Variants in FBXL7 observed in about 807,000 individuals in gnomAD.
FBXL7 encodes F-box and leucine rich repeat protein 7.
A neutral mutation model predicts 38.3 loss-of-function variants in FBXL7; 12 were observed. The observed-to-expected ratio is 0.31, with a 90% CI of 0.20 to 0.51. FBXL7 has a LOEUF of 0.51. Among genes scored for constraint, FBXL7 ranks in the 20% least tolerant of loss-of-function variants. The pLI, the probability that FBXL7 is intolerant of heterozygous loss-of-function variation, is 0.98. For synonymous variants in FBXL7, 297 were observed against 300.9 expected (o/e 0.99, Z 0.13); for missense variants, 567 against 676.4 (o/e 0.84, Z 1.79).
chr5:15,715,814 C>T (rs1225814919), intron 2 of FBXL7, among the ~76,000 whole-genome samples: 1 of 152,124 alleles, frequency 6.6e-6, no homozygotes, highest in African/African-American at 2.4e-5. Context: ...TGCTACTTGC[C>T]CACCGAACTA....
chr5:15,632,830 A>G (rs556777805), intron 2 of FBXL7, among the ~76,000 whole-genome samples: 11 of 150,362 alleles, frequency 7.3e-5, no homozygotes, highest in South Asian at 6.2e-4. Context: ...TCACGGACAT[A>G]AAGATGGGAA....
At chr5:15,886,552 C>A (rs1561173717) in intron 2 of FBXL7, among the ~76,000 whole-genome samples, 1 of 152,100 alleles carries the variant, frequency 6.6e-6, no homozygotes, top group South Asian at 2.1e-4. Context: ...CCCAAAGTTA[C>A]CCCCAGATAA....
intron 2 of FBXL7, among the ~76,000 whole-genome samples, chr5:15,846,057 T>G (rs1026579251): frequency 6.6e-6 from 1 of 152,262 alleles, no homozygotes; most frequent in African/African-American, 2.4e-5. Flanking sequence ...ATATCCACTA[T>G]GGTGTGTGGA....
rs559798024 is a variant in FBXL7, at chr5:15,571,743, A to G, written c.38-44240A>G. ...GTGCTTGGAGGCTTTTGGGTGAGGT[A>G]TTGTCAGTCACTGGTGGACATGTGC... On this transcript the variant is annotated intron_variant, in intron 1 of 3. Transcript: ENST00000504595. Among the ~76,000 whole-genome samples, 15 of 152,082 alleles carry G rather than the reference A, an allele frequency of 9.9e-5. No homozygotes were observed. The South Asian group carries it at 3.1e-3, about 32-fold the overall frequency.
At chr5:15,686,243 A>G (rs1340486288) in intron 2 of FBXL7, among the ~76,000 whole-genome samples, 2 of 152,196 alleles carry the variant, frequency 1.3e-5, no homozygotes, top group Non-Finnish European at 2.9e-5. Flanking sequence ...CTTGTTTTGT[A>G]AATGGGATCG....
chr5:15,900,816 G>T (rs1741216150), intron 2 of FBXL7, among the ~76,000 whole-genome samples: 1 of 152,302 alleles, frequency 6.6e-6, no homozygotes, highest in South Asian at 2.1e-4. Context: ...AAGAGCATGT[G>T]CCCCTTGGCC....
intron 2 of FBXL7, among the ~76,000 whole-genome samples, chr5:15,889,988 G>T (rs1042273234): frequency 2.6e-5 from 4 of 152,138 alleles, no homozygotes; most frequent in Admixed American, 2.0e-4. Flanking sequence ...GGAGATTTCT[G>T]ATAGTCCTGA....
chr5:15,666,224 T>C lies in FBXL7; in HGVS notation c.127+50152T>C, dbSNP rs113942151. 2.8e-3 allele frequency among the ~76,000 whole-genome samples: 422 copies of C among 152,340 alleles called. 1 individual carries two copies. The highest frequency in any genetic ancestry group is 9.6e-3 in the African/African-American group (401 of 41,592). On this transcript the variant is annotated intron_variant, in intron 2 of 3. Coordinates refer to ENST00000504595, the MANE Select transcript of FBXL7 (RefSeq NM_012304.5). ...TGGTTGTAATTCTGAGTTGTGTTTT[T>C]TGGAGGACCACATATATATTTTTAA...
chr5:15,677,196 G>A (rs113083944), intron 2 of FBXL7, among the ~76,000 whole-genome samples: 5,039 of 152,282 alleles, frequency 0.033, 134 homozygotes, highest in East Asian at 0.053. Context: ...TAGGCTGGGC[G>A]CAGTGGCTCA....
intron 2 of FBXL7, among the ~76,000 whole-genome samples, chr5:15,814,034 C>A (rs13178359): frequency 0.036 from 5,546 of 152,224 alleles, 152 homozygotes; most frequent in Non-Finnish European, 0.052. Context: ...CCTTAAGGAT[C>A]TAGAACCAGA....
intron 1 of FBXL7, among the ~76,000 whole-genome samples, chr5:15,521,832 A>C (rs554590551): frequency 2.1e-4 from 32 of 152,296 alleles, no homozygotes; most frequent in African/African-American, 7.0e-4. Context: ...AGCTGCATTT[A>C]TTTTCCTCGA....
At chr5:15,821,440 C>A (rs528691843) in intron 2 of FBXL7, among the ~76,000 whole-genome samples, 2 of 152,290 alleles carry the variant, frequency 1.3e-5, no homozygotes, top group Non-Finnish European at 2.9e-5. Flanking sequence ...GAAGGACATT[C>A]ATTCTAGAGG....
chr5:15,794,212 G>A (rs1186782215), intron 2 of FBXL7, among the ~76,000 whole-genome samples: 1 of 152,176 alleles, frequency 6.6e-6, no homozygotes. Flanking sequence ...TTGTACTCCA[G>A]AATGCCTTTC....
At chr5:15,573,700 C>A (rs565852153) in intron 1 of FBXL7, among the ~76,000 whole-genome samples, 1 of 152,276 alleles carries the variant, frequency 6.6e-6, no homozygotes, top group African/African-American at 2.4e-5. Flanking sequence ...ATGCTCGGGT[C>A]ACTTAATCAG....
chr5:15,740,461 AT>A (rs1259464128), intron 2 of FBXL7, among the ~76,000 whole-genome samples: 1 of 152,170 alleles, frequency 6.6e-6, no homozygotes, highest in East Asian at 1.9e-4. Context: ...TTTATAATAT[AT>A]CCACTGCTCC....
intron 1 of FBXL7, among the ~76,000 whole-genome samples, chr5:15,535,363 GT>G (rs1359522803): frequency 6.6e-6 from 1 of 152,218 alleles, no homozygotes; most frequent in Admixed American, 6.5e-5. Flanking sequence ...AGACAGGAAC[GT>G]GTGGGAAAGT....
rs1302807419 is a variant in FBXL7, at chr5:15,936,530, A to G, written c.820A>G (p.Ile274Val). 8 of 1,613,480 alleles carry G rather than the reference A, an allele frequency of 5.0e-6. No individual in the cohort carries two copies. Among genetic ancestry groups the G allele is most frequent in the Non-Finnish European group, 5.9e-6 (7 of 1,179,902 alleles). ...ACCCTTGCATGGCAAACAGATTTCC[A>G]TCCGCTACCTGGACATGACGGACTG... ...LSPLHGKQIS[I>V]RYLDMTDCFV... The change falls in exon 4 of 4, where the codon ATC (isoleucine) becomes GTC (valine). Residue 274 changes from isoleucine (I) to valine (V), a missense_variant. Physicochemically the swap from Ile to Val is conservative, Grantham distance 29. Transcript: ENST00000504595. The surrounding 1 kb of genome is among the most constrained non-coding windows in gnomAD (Gnocchi z 6.0).
At chr5:15,823,025 T>C (rs1429805748) in intron 2 of FBXL7, among the ~76,000 whole-genome samples, 1 of 152,014 alleles carries the variant, frequency 6.6e-6, no homozygotes, top group East Asian at 1.9e-4. Context: ...CCGCAGTCAA[T>C]AAAACATAAA....
intron 1 of FBXL7, among the ~76,000 whole-genome samples, chr5:15,514,815 A>G (rs1401074925): frequency 6.6e-6 from 1 of 152,138 alleles, no homozygotes; most frequent in Non-Finnish European, 1.5e-5. Context: ...CTCTCATCCA[A>G]GACAGGGAGG....
Sources: gnomAD v4.1 joint callset for allele counts (sites outside exome capture counted in the v4.1 genomes callset) on GRCh38, gnomAD v4.1.1 for gene constraint, Gnocchi (gnomAD v3.1) non-coding constraint, MANE v1.5 for transcripts, NCBI Gene and HGNC (gene_info 2026-07-23, HGNC 2026-07-21) for gene names.